Variants in LRRTM4 observed in about 807,000 individuals in gnomAD.
LRRTM4 encodes the protein leucine-rich repeat transmembrane neuronal protein 4.
In LRRTM4, 25 loss-of-function variants were observed where a neutral mutation model predicts 47.6. That is an observed-to-expected ratio of 0.53 (90% confidence interval 0.38 to 0.73). The LOEUF (loss-of-function observed/expected upper bound fraction) is 0.73. LRRTM4 is among the 30% of genes least tolerant of loss of function. The probability of loss-of-function intolerance (pLI) is 0.00; values close to 1 mark genes in which losing one functional copy is unlikely to be tolerated. For synonymous variants in LRRTM4, 311 were observed against 269.5 expected (o/e 1.15, Z -1.51); for missense variants, 638 against 713.4 (o/e 0.89, Z 1.20).
At chr2:77,089,668 C>T (rs1488153655) in intron 3 of LRRTM4, among the ~76,000 whole-genome samples, 3 of 152,046 alleles carry the variant, frequency 2.0e-5, no homozygotes, top group Admixed American at 1.3e-4. Flanking sequence ...TCCTTCTACT[C>T]CCCTGGCCTG....
chr2:77,342,049 T>C (rs905622035), intron 3 of LRRTM4, among the ~76,000 whole-genome samples: 2 of 151,992 alleles, frequency 1.3e-5, no homozygotes, highest in Non-Finnish European at 1.5e-5. Flanking sequence ...GTAAGTTTTA[T>C]TACTGCACAA....
intron 3 of LRRTM4, among the ~76,000 whole-genome samples, chr2:77,244,012 T>C (rs1328907092): frequency 7.8e-6 from 1 of 128,350 alleles, no homozygotes; most frequent in Non-Finnish European, 1.6e-5. Context: ...TGAGTGAGAA[T>C]ATGCGGTGTT....
intron 3 of LRRTM4, among the ~76,000 whole-genome samples, chr2:76,798,078 C>T (rs1217462940): frequency 1.3e-5 from 2 of 151,144 alleles, no homozygotes; most frequent in African/African-American, 4.9e-5. Flanking sequence ...AGGAATTGAA[C>T]TCAGCTCTGC....
At chr2:77,160,203 C>T (rs1672674661) in intron 3 of LRRTM4, among the ~76,000 whole-genome samples, 1 of 152,130 alleles carries the variant, frequency 6.6e-6, no homozygotes, top group African/African-American at 2.4e-5. Flanking sequence ...CAGTTTTCTC[C>T]AACAGAAAGT....
At chr2:77,381,299 T>C (rs1467175632) in intron 3 of LRRTM4, among the ~76,000 whole-genome samples, 4 of 152,182 alleles carry the variant, frequency 2.6e-5, no homozygotes, top group African/African-American at 9.6e-5. Context: ...TTTCCACAAA[T>C]GTTACATATA....
chr2:77,451,023 AAC>A (rs1007980692), intron 3 of LRRTM4, among the ~76,000 whole-genome samples: 4 of 152,212 alleles, frequency 2.6e-5, no homozygotes, highest in African/African-American at 9.6e-5. Context: ...CTTTTGCAAT[AAC>A]CAAAACAGTT....
At chr2:77,492,175 AT>A (rs1304596794) in intron 3 of LRRTM4, among the ~76,000 whole-genome samples, 1 of 152,150 alleles carries the variant, frequency 6.6e-6, no homozygotes. Context: ...ATATTAGAAA[AT>A]TTTTTAAGTC....
chr2:76,891,246 A>T (rs1456249829), intron 3 of LRRTM4, among the ~76,000 whole-genome samples: 1 of 151,900 alleles, frequency 6.6e-6, no homozygotes, highest in Non-Finnish European at 1.5e-5. Context: ...TAATTATAAT[A>T]AGAGGAGAGG....
chr2:76,871,831 T>C (rs995180734), intron 3 of LRRTM4, among the ~76,000 whole-genome samples: 1 of 152,238 alleles, frequency 6.6e-6, no homozygotes, highest in African/African-American at 2.4e-5. Context: ...GGCAAGGAAC[T>C]GAAGACTACC....
Position 76,910,525 on chromosome 2 carries a change from A to G in LRRTM4, c.1552-161609T>C, listed in dbSNP as rs1045386818. On this transcript the variant is annotated intron_variant, in intron 3 of 3. Transcript: ENST00000409884. ...AAAAAAAAGAAAAGGCATCATTCTT[A>G]TAGCACCATTATTACGAAGAAATAT... 3.3e-5 allele frequency among the ~76,000 whole-genome samples: 5 copies of G among 152,316 alleles called. No individual in the cohort carries two copies. The South Asian group carries it at 6.2e-4, about 19-fold the overall frequency.
chr2:77,403,885 T>TATATATATATATATATATATATATA lies in LRRTM4; in HGVS notation c.1551+114432_1551+114433insTATATATATATATATATATATATAT, dbSNP rs893824593. Among the ~76,000 whole-genome samples the TATATATATATATATATATATATATA allele has an allele frequency of 3.7e-3, 563 of 150,156 alleles. 11 individuals are homozygous for TATATATATATATATATATATATATA. The highest frequency in any genetic ancestry group is 0.013 in the African/African-American group (525 of 39,866). On this transcript the variant is annotated intron_variant, in intron 3 of 3. Transcript: ENST00000409884. ...TAAATGAGAAATATATATATATATA[T>TATATATATATATATATATATATATA]TTTAGGAAAGGCGATTTCATTGAGA...
In LRRTM4 at chr2:77,428,257, G is replaced by C. The variant is rs151116518; in HGVS notation, c.1551+90061C>G. 3.4e-3 allele frequency among the ~76,000 whole-genome samples: 511 copies of C among 152,196 alleles called. 2 individuals are homozygous for C. The highest frequency in any genetic ancestry group is 0.012 in the African/African-American group (499 of 41,518). The stretch of plus-strand genomic sequence containing the variant: ...CTTGGGCAGTTGTTTACAGAAACAC[G>C]AGAATGGACTGATACACCAACTACA... On this transcript the variant is annotated intron_variant, in intron 3 of 3. Coordinates refer to ENST00000409884, the MANE Select transcript of LRRTM4 (RefSeq NM_001134745.3).
intron 3 of LRRTM4, among the ~76,000 whole-genome samples, chr2:77,321,562 G>T (rs1452878296): frequency 1.1e-5 from 1 of 91,726 alleles, no homozygotes; most frequent in Non-Finnish European, 2.0e-5. Context: ...AGGGGGGGGG[G>T]TGTGTGAAAG....
chr2:77,303,563 A>C (rs897411476), intron 3 of LRRTM4, among the ~76,000 whole-genome samples: 6 of 152,218 alleles, frequency 3.9e-5, no homozygotes, highest in South Asian at 2.1e-4. Flanking sequence ...CCCAAAGGGC[A>C]TACTACTCTG....
chr2:76,971,264 C>T (rs570400697), intron 3 of LRRTM4, among the ~76,000 whole-genome samples: 1 of 151,044 alleles, frequency 6.6e-6, no homozygotes, highest in Admixed American at 6.6e-5. Flanking sequence ...TTCCTTAGCC[C>T]CATCTACCTA....
chr2:77,122,860 A>G (rs1396040332), intron 3 of LRRTM4, among the ~76,000 whole-genome samples: 2 of 151,874 alleles, frequency 1.3e-5, no homozygotes, highest in African/African-American at 2.4e-5. Flanking sequence ...TGAAAATACT[A>G]TATGTGTTAT....
At chr2:76,902,497 C>T (rs932057672) in intron 3 of LRRTM4, among the ~76,000 whole-genome samples, 5 of 152,078 alleles carry the variant, frequency 3.3e-5, no homozygotes, top group African/African-American at 1.2e-4. Context: ...GAACGTGAGC[C>T]ATGTGGACTT....
intron 3 of LRRTM4, among the ~76,000 whole-genome samples, chr2:77,313,543 T>G (rs1011913437): frequency 2.6e-5 from 4 of 151,428 alleles, no homozygotes; most frequent in African/African-American, 7.3e-5. Context: ...CCTGGTGCTA[T>G]GACGTGCCTC....
intron 3 of LRRTM4, chr2:77,516,737 T>C (rs1679219646): frequency 1.0e-6 from 1 of 966,016 alleles, no homozygotes; most frequent in Non-Finnish European, 1.2e-6. Context: ...AGGAATTTAT[T>C]ATCTGGGATT....
Sources: gnomAD v4.1 joint callset for allele counts (sites outside exome capture counted in the v4.1 genomes callset) on GRCh38, gnomAD v4.1.1 for gene constraint, MANE v1.5 for transcripts, NCBI Gene and HGNC (gene_info 2026-07-23, HGNC 2026-07-21) for gene names.